CD46: variants seen among roughly 807,000 people sequenced by gnomAD.
CD46 encodes the protein membrane cofactor protein.
CD46 carries 30 observed loss-of-function variants against 53.3 expected under a neutral mutation model. That is an observed-to-expected ratio of 0.56 (90% confidence interval 0.42 to 0.76). The LOEUF (loss-of-function observed/expected upper bound fraction) is 0.76. Ranked by LOEUF, CD46 falls within the 30% of genes least tolerant of loss-of-function variation. CD46 has a pLI of 0.00. For synonymous variants in CD46, 142 were observed against 152.0 expected, an observed-to-expected ratio of 0.93 and a Z score of 0.48; for missense variants, 409 against 463.0, an observed-to-expected ratio of 0.88 and a Z score of 1.07.
intron 5 of CD46, among the ~76,000 whole-genome samples, chr1:207,764,204 G>A (rs562422563): frequency 7.2e-5 from 11 of 152,264 alleles, no homozygotes; most frequent in African/African-American, 2.2e-4. Flanking sequence ...CTCTGGGCAC[G>A]GACTGAGCTC....
At position 207,752,149 on chromosome 1, in the gene CD46, G is replaced by A. The variant is rs1461521958; in HGVS notation, c.-64G>A. On this transcript the variant is annotated 5_prime_UTR_variant, in exon 1 of 13. Transcript: ENST00000367042. The surrounding 1 kb of genome is among the most constrained non-coding windows in gnomAD (Gnocchi z 4.1). ...ATCTGGACCCAGAAGGGACTTCCCT[G>A]CTCGGCTGGCTCTCGGTTTCTCTGC... 15 of 1,471,952 alleles carry A rather than the reference G, an allele frequency of 1.0e-5. No individual in the cohort carries two copies. Among genetic ancestry groups the A allele is most frequent in the Non-Finnish European group, 1.3e-5 (14 of 1,056,920 alleles). The allele number at this position is 1,471,952 out of a possible 1,614,324, so 91.2% of individuals were successfully genotyped here.
Position 207,752,067 on chromosome 1 carries a change from C to A in CD46, c.-146C>A. On this transcript the variant is annotated 5_prime_UTR_variant, in exon 1 of 13. Coordinates refer to ENST00000367042, the MANE Select transcript of CD46 (RefSeq NM_172351.3). The surrounding 1 kb of genome is among the most constrained non-coding windows in gnomAD (Gnocchi z 4.1). Reference sequence around the variant, plus strand: ...TCCGCCCCGGGCGCGGCTCGGGCCACGCCCACCTGTCCTGCAGCACTGGAT... The same window carrying A: ...TCCGCCCCGGGCGCGGCTCGGGCCAAGCCCACCTGTCCTGCAGCACTGGAT... 1.2e-6 allele frequency: 1 copy of A among 864,988 alleles called. No homozygotes were observed. The highest frequency in any genetic ancestry group is 1.4e-5 in the South Asian group (1 of 72,722). The allele number at this position is 864,988 out of a possible 1,614,324, so 53.6% of individuals were successfully genotyped here.
At chr1:207,776,874 G>A (rs1378626422) in intron 8 of CD46, among the ~76,000 whole-genome samples, 2 of 152,192 alleles carry the variant, frequency 1.3e-5, no homozygotes, top group South Asian at 2.1e-4. Context: ...GGGCTTAAGC[G>A]ATCCTCCTGC....
intron 8 of CD46, among the ~76,000 whole-genome samples, chr1:207,777,648 A>G (rs1420132985): frequency 6.6e-6 from 1 of 152,162 alleles, no homozygotes; most frequent in East Asian, 1.9e-4. Context: ...GTAGTATTCC[A>G]CGGTGTATAT....
rs189051414 is a variant in CD46, at chr1:207,795,155, C to T, written c.*1678C>T. 56 of 152,078 alleles carry T rather than the reference C, an allele frequency of 3.7e-4. 1 individual carries two copies. The highest frequency in any genetic ancestry group is 1.3e-3 in the African/African-American group (52 of 41,496). 9.4% of individuals were successfully genotyped at this position (152,078 alleles called of 1,614,324 possible). On this transcript the variant is annotated 3_prime_UTR_variant, in exon 13 of 13. Transcript: ENST00000367042. ...GCAGATAATGGTGTTTTTTAGAAACCTAATTGAAGTATATTCAACCAAATA... is the reference window on the plus strand; with the variant it reads ...GCAGATAATGGTGTTTTTTAGAAACTTAATTGAAGTATATTCAACCAAATA...
intron 1 of CD46, among the ~76,000 whole-genome samples, chr1:207,753,029 C>G (rs1293414730): frequency 6.7e-6 from 1 of 150,086 alleles, no homozygotes; most frequent in Non-Finnish European, 1.5e-5. Flanking sequence ...TGTGAACAGT[C>G]TCCGTGTTAC....
At chr1:207,785,753 T>A (rs1659208241) in intron 11 of CD46, 71 bp downstream of exon 11, 3 of 988,000 alleles carry the variant, frequency 3.0e-6, no homozygotes, top group Middle Eastern at 2.2e-4. Context: ...GCAGCTTCAG[T>A]TTGTAATCTG....
chr1:207,759,627 T>G lies in CD46; in HGVS notation c.390-12T>G. On this transcript the variant is annotated splice_polypyrimidine_tract_variant and intron_variant, in intron 3 of 12. Transcript: ENST00000367042. Reference sequence around the variant, plus strand: ...GCTATACAAAACAGTAACCCTTTCTTTTCTCATTTAGTTATTACTTAATTG... The same window carrying G: ...GCTATACAAAACAGTAACCCTTTCTGTTCTCATTTAGTTATTACTTAATTG... The G allele has an allele frequency of 7.1e-7, 1 of 1,411,826 alleles. No homozygotes were observed. Among genetic ancestry groups the G allele is most frequent in the Non-Finnish European group, 1.0e-6 (1 of 997,770 alleles). 87.5% of individuals were successfully genotyped at this position (1,411,826 alleles called of 1,614,324 possible). A position where few individuals can be genotyped will look rare whatever the true frequency, so the allele number is the denominator to read the frequency against.
chr1:207,764,545 A>G (rs1488112788), intron 5 of CD46, among the ~76,000 whole-genome samples: 1 of 152,168 alleles, frequency 6.6e-6, no homozygotes, highest in Non-Finnish European at 1.5e-5. Context: ...TTTTGTGCAT[A>G]TGGTCATTCT....
intron 5 of CD46, among the ~76,000 whole-genome samples, chr1:207,764,418 A>G (rs921754762): frequency 2.0e-5 from 3 of 152,204 alleles, no homozygotes; most frequent in Non-Finnish European, 2.9e-5. Flanking sequence ...GCCCTGCCTC[A>G]GGAAGTGAGG....
chr1:207,764,319 G>A (rs1282700579), intron 5 of CD46, among the ~76,000 whole-genome samples: 2 of 152,196 alleles, frequency 1.3e-5, no homozygotes, highest in African/African-American at 4.8e-5. Context: ...TGGTGCTGGA[G>A]CCAAAACCTA....
chr1:207,777,869 T>C (rs1339653174), intron 8 of CD46, among the ~76,000 whole-genome samples: 1 of 152,156 alleles, frequency 6.6e-6, no homozygotes, highest in African/African-American at 2.4e-5. Flanking sequence ...GCCATACTGC[T>C]TCCCACAATG....
At chr1:207,782,316 A>ATG (rs1361549414) in intron 8 of CD46, among the ~76,000 whole-genome samples, 11 of 152,230 alleles carry the variant, frequency 7.2e-5, no homozygotes, top group Admixed American at 7.2e-4. Context: ...AGATTTTTGC[A>ATG]TGTGTGTGTA....
At chr1:207,788,360 CAAAAAA>C (rs1205954774) in intron 11 of CD46, among the ~76,000 whole-genome samples, 1 of 80,118 alleles carries the variant, frequency 1.2e-5, no homozygotes, top group Non-Finnish European at 2.9e-5. Context: ...ACTAAAAATA[CAAAAAA>C]AAAAAAAAAA....
intron 11 of CD46, among the ~76,000 whole-genome samples, chr1:207,788,840 C>T (rs1439983831): frequency 6.6e-6 from 1 of 152,172 alleles, no homozygotes; most frequent in Non-Finnish European, 1.5e-5. Context: ...ATTTTAAGAT[C>T]ATCCAACATC....
chr1:207,790,154 A>G (rs999454635), intron 11 of CD46, 99 bp from the exon 12 acceptor site: 4 of 762,718 alleles, frequency 5.2e-6, no homozygotes, highest in African/African-American at 5.2e-5. Flanking sequence ...CTTTCCTGCT[A>G]CTCTCTTACA....
At chr1:207,769,397 A>C (rs143915478) in intron 7 of CD46, 1 of 152,342 alleles carries the variant, frequency 6.6e-6, no homozygotes, top group African/African-American at 2.4e-5. Context: ...TTGCATGTGA[A>C]ATTTATACTC....
intron 1 of CD46, among the ~76,000 whole-genome samples, chr1:207,755,147 A>T (rs1655392806): frequency 6.6e-6 from 1 of 152,032 alleles, no homozygotes; most frequent in Admixed American, 6.6e-5. Context: ...ACATACACAC[A>T]CAAACAAACA....
chr1:207,754,626 C>T (rs1655312079), intron 1 of CD46, among the ~76,000 whole-genome samples: 1 of 152,118 alleles, frequency 6.6e-6, no homozygotes, highest in African/African-American at 2.4e-5. Flanking sequence ...GTTCCTCCTG[C>T]CTCCAAGAGG....
Sources: allele counts gnomAD v4.1 joint callset (sites outside exome capture counted in the v4.1 genomes callset), GRCh38; gene constraint gnomAD v4.1.1; non-coding constraint Gnocchi (gnomAD v3.1); transcripts MANE v1.5; gene names NCBI Gene and HGNC (gene_info 2026-07-23, HGNC 2026-07-21).